Variants in AFG2A observed in about 807,000 individuals in gnomAD.
AFG2A encodes the protein ATPase family gene 2 protein homolog A.
At chr4:123,071,421 G>T in the AFG2A span, among the ~76,000 whole-genome samples, 1 of 151,236 alleles carries the variant, frequency 6.6e-6, no homozygotes, top group South Asian at 2.1e-4. Flanking sequence ...CGGAGGTTGC[G>T]ATGAGCCGAG....
the AFG2A span, among the ~76,000 whole-genome samples, chr4:123,234,028 G>A: frequency 6.6e-6 from 1 of 151,942 alleles, no homozygotes; most frequent in Non-Finnish European, 1.5e-5. Context: ...CATAAAAGAG[G>A]GGAAAATAAG....
At chr4:122,981,421 C>T in the AFG2A span, among the ~76,000 whole-genome samples, 2 of 146,142 alleles carry the variant, frequency 1.4e-5, no homozygotes, top group Admixed American at 6.8e-5. Context: ...ATTATCATAG[C>T]TTTGTAGTAT....
chr4:123,149,153 T>C, the AFG2A span, among the ~76,000 whole-genome samples: 25 of 152,182 alleles, frequency 1.6e-4, no homozygotes, highest in Non-Finnish European at 1.5e-4. Context: ...TAAATAAATT[T>C]GATAAGTTAC....
the AFG2A span, among the ~76,000 whole-genome samples, chr4:123,287,291 A>G: frequency 6.6e-6 from 1 of 152,150 alleles, no homozygotes; most frequent in Non-Finnish European, 1.5e-5. Context: ...GTGTAACCCC[A>G]TTTTTGTGGA....
the AFG2A span, among the ~76,000 whole-genome samples, chr4:123,081,126 AATT>A: frequency 6.6e-6 from 1 of 152,142 alleles, no homozygotes. Flanking sequence ...CAAAGTCCAT[AATT>A]AACATTAGGG....
chr4:123,034,727 G>T, the AFG2A span, among the ~76,000 whole-genome samples: 1 of 152,116 alleles, frequency 6.6e-6, no homozygotes, highest in Non-Finnish European at 1.5e-5. Flanking sequence ...GTACATGGGT[G>T]GGTGGGCATA....
At chr4:122,963,040 G>T in the AFG2A span, among the ~76,000 whole-genome samples, 1 of 152,170 alleles carries the variant, frequency 6.6e-6, no homozygotes, top group Non-Finnish European at 1.5e-5. Context: ...TTAACATGGT[G>T]AAGCTGTAGA....
the AFG2A span, among the ~76,000 whole-genome samples, chr4:123,283,869 C>G: frequency 0.011 from 1,624 of 152,226 alleles, 38 homozygotes; most frequent in African/African-American, 0.037. Context: ...CACTTGCTGT[C>G]TGGCCCTTTA....
chr4:122,945,154 G>A, the AFG2A span, among the ~76,000 whole-genome samples: 2 of 152,260 alleles, frequency 1.3e-5, no homozygotes, highest in South Asian at 4.1e-4. Flanking sequence ...GGAGAACCAC[G>A]GCTCTCTTCA....
chr4:123,288,977 T>C, the AFG2A span, among the ~76,000 whole-genome samples: 1 of 152,210 alleles, frequency 6.6e-6, no homozygotes, highest in Admixed American at 6.5e-5. Context: ...TTAGTGTTTC[T>C]CACAAATACT....
At chr4:123,197,259 A>G in the AFG2A span, among the ~76,000 whole-genome samples, 5 of 152,216 alleles carry the variant, frequency 3.3e-5, no homozygotes, top group African/African-American at 1.2e-4. Context: ...GTGAATAACT[A>G]CCAATGTTTA....
the AFG2A span, among the ~76,000 whole-genome samples, chr4:123,271,776 T>C: frequency 6.6e-6 from 1 of 152,178 alleles, no homozygotes; most frequent in African/African-American, 2.4e-5. Flanking sequence ...TTGAATACAT[T>C]TAAGTTTTTT....
At chr4:123,201,188 C>T in the AFG2A span, among the ~76,000 whole-genome samples, 1 of 152,170 alleles carries the variant, frequency 6.6e-6, no homozygotes, top group African/African-American at 2.4e-5. Flanking sequence ...TAAACATTTG[C>T]TATATGTAAG....
chr4:122,936,430 T>G, the AFG2A span, among the ~76,000 whole-genome samples: 1 of 152,266 alleles, frequency 6.6e-6, no homozygotes, highest in Admixed American at 6.5e-5. Context: ...TTTCTTTAGG[T>G]GCTTAGGTGT....
At chr4:123,293,163 G>T in the AFG2A span, among the ~76,000 whole-genome samples, 1 of 152,226 alleles carries the variant, frequency 6.6e-6, no homozygotes, top group Non-Finnish European at 1.5e-5. Context: ...GCTCCAGAAA[G>T]GCCATCCATA....
the AFG2A span, among the ~76,000 whole-genome samples, chr4:122,955,940 C>T: frequency 6.6e-6 from 1 of 152,172 alleles, no homozygotes; most frequent in Non-Finnish European, 1.5e-5. Flanking sequence ...GCAGAAGTAT[C>T]AGTAGATAGC....
At chr4:122,977,656 TG>T in the AFG2A span, among the ~76,000 whole-genome samples, 1 of 152,256 alleles carries the variant, frequency 6.6e-6, no homozygotes, top group African/African-American at 2.4e-5. Context: ...GTTTCAGTCC[TG>T]TTTGTGTTAC....
chr4:123,139,615 A>G, the AFG2A span, among the ~76,000 whole-genome samples: 1 of 152,098 alleles, frequency 6.6e-6, no homozygotes, highest in East Asian at 1.9e-4. Flanking sequence ...GAATTAAGAT[A>G]CTCAGTAAGT....
At chr4:123,155,602 T>C in the AFG2A span, among the ~76,000 whole-genome samples, 1 of 129,876 alleles carries the variant, frequency 7.7e-6, no homozygotes, top group African/African-American at 2.8e-5. Flanking sequence ...AATACAGCAT[T>C]TTCAAAATTT....
Sources: gnomAD v4.1 joint callset for allele counts (sites outside exome capture counted in the v4.1 genomes callset) on GRCh38, gnomAD v4.1.1 for gene constraint, MANE v1.5 for transcripts, NCBI Gene and HGNC (gene_info 2026-07-23, HGNC 2026-07-21) for gene names.